CLDN6: variants seen among roughly 807,000 people sequenced by gnomAD.
CLDN6 encodes the protein claudin-6.
For missense variants in CLDN6, 279 were observed against 284.1 expected (o/e 0.98, Z 0.13); for synonymous variants, 144 against 131.2 (o/e 1.10, Z -0.67).
At chr16:3,016,894 C>G (rs1303263171) in intron 1 of CLDN6, among the ~76,000 whole-genome samples, 1 of 151,918 alleles carries the variant, frequency 6.6e-6, no homozygotes, top group African/African-American at 2.4e-5. Flanking sequence ...GTGATCCTCC[C>G]GCCTCAGCCT....
chr16:3,015,638 T>C lies in CLDN6; in HGVS notation c.384A>G (p.Ser128=). Reference sequence around the variant, plus strand: ...ACACGGGGATTAGCGTCAGGACCCCTGAGATGACAAAGACAATCCCAGAGG... The same window carrying C: ...ACACGGGGATTAGCGTCAGGACCCCCGAGATGACAAAGACAATCCCAGAGG... ...VLTSGIVFVI[S]GVLTLIPVCW... is the part of the protein sequence containing the mutation. The change falls in exon 2 of 2, where the codon TCA becomes TCG. Residue 128 remains serine, a synonymous_variant. Coordinates refer to ENST00000328796, the MANE Select transcript of CLDN6 (RefSeq NM_021195.5). 3.7e-6 allele frequency: 6 copies of C among 1,613,310 alleles called. No individual in the cohort carries two copies. The highest frequency in any genetic ancestry group is 5.1e-6 in the Non-Finnish European group (6 of 1,180,030).
At position 3,015,362 on chromosome 16, in the gene CLDN6, G is replaced by A. The variant is rs141263027; in HGVS notation, c.660C>T (p.Val220=). 1 of 1,521,366 alleles carries A rather than the reference G, an allele frequency of 6.6e-7. No individual in the cohort carries two copies. Among genetic ancestry groups the A allele is most frequent in the Non-Finnish European group, 8.8e-7 (1 of 1,137,440 alleles). 94.2% of individuals were successfully genotyped at this position (1,521,366 alleles called of 1,614,324 possible). The part of the protein sequence containing the change: ...GPSEYPTKNY[V] ...GGAGCCCCCATTCCCCTCCACGTCA[G>A]ACGTAATTCTTGGTAGGGTACTCAG... is the stretch of plus-strand genomic sequence containing the variant. The change falls in exon 2 of 2, where the codon GTC becomes GTT. Residue 220 remains valine, a synonymous_variant. Transcript: ENST00000328796.
intron 1 of CLDN6, 65 bp downstream of exon 1, chr16:3,018,084 C>T (rs968296921): frequency 6.6e-6 from 1 of 152,428 alleles, no homozygotes; most frequent in Non-Finnish European, 1.5e-5. Context: ...CTACCCACGC[C>T]GCCACCACCC....
chr16:3,014,818 A>G lies in CLDN6; in HGVS notation c.*541T>C, dbSNP rs972517720. 8.3e-5 allele frequency: 22 copies of G among 265,142 alleles called. No individual in the cohort carries two copies. The highest frequency in any genetic ancestry group is 4.7e-4 in the African/African-American group (21 of 44,292). 16.4% of individuals were successfully genotyped at this position (265,142 alleles called of 1,614,324 possible). A position where few individuals can be genotyped will look rare whatever the true frequency, so the allele number is the denominator to read the frequency against. ...GTGTTGGAGGTGGGGGCGGGGGTCT[A>G]CATAGCTGGGACCTGGCCCTGGGGG... is the stretch of plus-strand genomic sequence containing the variant. On this transcript the variant is annotated 3_prime_UTR_variant, in exon 2 of 2. Transcript: ENST00000328796.
In CLDN6 at chr16:3,015,390, G is replaced by A. The variant is rs200821404; in HGVS notation, c.632C>T (p.Pro211Leu). 1.3e-6 allele frequency: 2 copies of A among 1,524,584 alleles called. No homozygotes were observed. The highest frequency in any genetic ancestry group is 1.8e-6 in the Non-Finnish European group (2 of 1,139,024). 94.4% of individuals were successfully genotyped at this position (1,524,584 alleles called of 1,614,324 possible). A position where few individuals can be genotyped will look rare whatever the true frequency, so the allele number is the denominator to read the frequency against. Reference protein sequence around the residue: ...STSAPAISRGPSEYPTKNYV With the variant: ...STSAPAISRGLSEYPTKNYV ...GTAATTCTTGGTAGGGTACTCAGAG[G>A]GCCCCCGAGAGATGGCAGGGGCAGA... The change falls in exon 2 of 2, where the codon CCC becomes CTC. Residue 211 changes from proline (P) to leucine (L), a missense_variant. Physicochemically the swap from Pro to Leu is moderately conservative, Grantham distance 98 (BLOSUM62 -3). Transcript: ENST00000328796.
chr16:3,016,917 G>C (rs1382181248), intron 1 of CLDN6, among the ~76,000 whole-genome samples: 1 of 152,210 alleles, frequency 6.6e-6, no homozygotes, highest in Admixed American at 6.5e-5. Context: ...CAGAGTGCTG[G>C]GATTACAGGC....
In CLDN6 at chr16:3,015,490, C is replaced by A. The variant is rs768426941; in HGVS notation, c.532G>T (p.Gly178Trp). The A allele has an allele frequency of 6.2e-7, 1 of 1,609,330 alleles. No individual in the cohort carries two copies. The highest frequency in any genetic ancestry group is 1.3e-5 in the African/African-American group (1 of 74,696). The change falls in exon 2 of 2, where the codon GGG becomes TGG. Residue 178 changes from glycine (G) to tryptophan (W), a missense_variant. Transcript: ENST00000328796. ...GGGCAAGTGCAGCACAGCAACCCCC[C>A]ACCCAGCAACAAAAGGCCTGAGGCC... ...WAASGLLLLG[G>W]GLLCCTCPSG...
chr16:3,015,076 A>G lies in CLDN6; in HGVS notation c.*283T>C. On this transcript the variant is annotated 3_prime_UTR_variant, in exon 2 of 2. Coordinates refer to ENST00000328796, the MANE Select transcript of CLDN6 (RefSeq NM_021195.5). ...AGCCAGCACAGCAAGCAGCCTCCGCATTAGTTCCATAGCTTGACTGGCTTC... is the reference window on the plus strand; with the variant it reads ...AGCCAGCACAGCAAGCAGCCTCCGCGTTAGTTCCATAGCTTGACTGGCTTC... 4.5e-6 allele frequency: 2 copies of G among 440,096 alleles called. No homozygotes were observed. Among genetic ancestry groups the G allele is most frequent in the East Asian group, 3.3e-5 (1 of 30,380 alleles). The allele number at this position is 440,096 out of a possible 1,614,324, so 27.3% of individuals were successfully genotyped here. A position where few individuals can be genotyped will look rare whatever the true frequency, so the allele number is the denominator to read the frequency against.
rs777380085 is a variant in CLDN6, at chr16:3,015,325, T to C, written c.*34A>G. The stretch of plus-strand genomic sequence containing the variant: ...TTGGGCACTGCCACTTCTGGATGGC[T>C]CTAGCGCCAGCGGAGCCCCCATTCC... On this transcript the variant is annotated 3_prime_UTR_variant, in exon 2 of 2. Transcript: ENST00000328796. The C allele has an allele frequency of 6.0e-6, 9 of 1,511,482 alleles. No homozygotes were observed. Among genetic ancestry groups the C allele is most frequent in the African/African-American group, 5.6e-5 (4 of 71,442 alleles). The allele number at this position is 1,511,482 out of a possible 1,614,324, so 93.6% of individuals were successfully genotyped here.
At chr16:3,016,838 C>CG (rs1567405980) in intron 1 of CLDN6, among the ~76,000 whole-genome samples, 2 of 151,520 alleles carry the variant, frequency 1.3e-5, no homozygotes, top group African/African-American at 4.9e-5. Context: ...TTAGTAGAGA[C>CG]GGGGTTTCAC....
intron 1 of CLDN6, among the ~76,000 whole-genome samples, 154 bp from the exon 2 acceptor site, chr16:3,016,196 G>C (rs2072566450): frequency 1.3e-5 from 2 of 152,232 alleles, no homozygotes; most frequent in South Asian, 4.1e-4. Context: ...ACTTCTCGTG[G>C]GCAAAATGGA....
intron 1 of CLDN6, among the ~76,000 whole-genome samples, chr16:3,016,380 G>T (rs984900774): frequency 6.6e-6 from 1 of 152,202 alleles, no homozygotes; most frequent in Admixed American, 6.5e-5. Context: ...GCTGCAAGGC[G>T]GCAAAAAGCA....
In CLDN6 at chr16:3,014,951, G is replaced by C. The variant is rs1193121499; in HGVS notation, c.*408C>G. On this transcript the variant is annotated 3_prime_UTR_variant, in exon 2 of 2. Transcript: ENST00000328796. ...TCCAGGGGTGAAGAGAGGAGCTCCA[G>C]AGACCTGAGTAGGATGGGGGGCAGC... 5.0e-6 allele frequency: 2 copies of C among 401,298 alleles called. No individual in the cohort carries two copies. The highest frequency in any genetic ancestry group is 8.7e-6 in the Non-Finnish European group (2 of 228,944). 24.9% of individuals were successfully genotyped at this position (401,298 alleles called of 1,614,324 possible). A position where few individuals can be genotyped will look rare whatever the true frequency, so the allele number is the denominator to read the frequency against.
At position 3,015,390 on chromosome 16, in the gene CLDN6, G is replaced by T; in HGVS notation, c.632C>A (p.Pro211His). The T allele has an allele frequency of 1.3e-6, 2 of 1,524,698 alleles. No homozygotes were observed. The highest frequency in any genetic ancestry group is 1.4e-5 in the African/African-American group (1 of 71,868). 94.4% of individuals were successfully genotyped at this position (1,524,698 alleles called of 1,614,324 possible). The change falls in exon 2 of 2, where the codon CCC (proline) becomes CAC (histidine). Residue 211 changes from proline (P) to histidine (H), a missense_variant. Transcript: ENST00000328796. Reference protein sequence around the residue: ...STSAPAISRGPSEYPTKNYV With the variant: ...STSAPAISRGHSEYPTKNYV ...GTAATTCTTGGTAGGGTACTCAGAGGGCCCCCGAGAGATGGCAGGGGCAGA... is the reference window on the plus strand; with the variant it reads ...GTAATTCTTGGTAGGGTACTCAGAGTGCCCCCGAGAGATGGCAGGGGCAGA...
Position 3,015,331 on chromosome 16 carries a change from G to A in CLDN6, c.*28C>T, listed in dbSNP as rs756822589. The A allele has an allele frequency of 2.4e-5, 36 of 1,514,478 alleles. No homozygotes were observed. Among genetic ancestry groups the A allele is most frequent in the Admixed American group, 4.5e-5 (2 of 43,992 alleles). 93.8% of individuals were successfully genotyped at this position (1,514,478 alleles called of 1,614,324 possible). On this transcript the variant is annotated 3_prime_UTR_variant, in exon 2 of 2. Coordinates refer to ENST00000328796, the MANE Select transcript of CLDN6 (RefSeq NM_021195.5). ...ACTGCCACTTCTGGATGGCTCTAGCGCCAGCGGAGCCCCCATTCCCCTCCA... is the reference window on the plus strand; with the variant it reads ...ACTGCCACTTCTGGATGGCTCTAGCACCAGCGGAGCCCCCATTCCCCTCCA...
chr16:3,016,809 G>A (rs900257385), intron 1 of CLDN6, among the ~76,000 whole-genome samples: 3 of 151,988 alleles, frequency 2.0e-5, no homozygotes, highest in African/African-American at 4.8e-5. Flanking sequence ...CACCACGCCC[G>A]GCTAATTTTT....
rs766749711 is a variant in CLDN6, at chr16:3,015,516, G to T, written c.506C>A (p.Ala169Glu). The T allele has an allele frequency of 3.7e-6, 6 of 1,612,346 alleles. No homozygotes were observed. Among genetic ancestry groups the T allele is most frequent in the Non-Finnish European group, 5.1e-6 (6 of 1,179,560 alleles). The change falls in exon 2 of 2, where the codon GCG becomes GAG. Residue 169 changes from alanine to glutamate, a missense_variant. Ala to Glu is a moderately radical substitution (Grantham distance 107). Coordinates refer to ENST00000328796, the MANE Select transcript of CLDN6 (RefSeq NM_021195.5). ...ACCCAGCAACAAAAGGCCTGAGGCC[G>T]CCCAGCCCAAGTAGAGGGAGGCCCC... is the stretch of plus-strand genomic sequence containing the variant. The part of the protein sequence containing the change: ...ELGASLYLGW[A>E]ASGLLLLGGG...
At position 3,015,434 on chromosome 16, in the gene CLDN6, G is replaced by A. The variant is rs2072558842; in HGVS notation, c.588C>T (p.Tyr196=). The change falls in exon 2 of 2, where the codon TAC becomes TAT. Residue 196 remains tyrosine (Y), a synonymous_variant. Transcript: ENST00000328796. ...PSGGSQGPSH[Y]MARYSTSAPA... ...GGGCAGATGTTGAGTAGCGGGCCAT[G>A]TAATGGCTGGGGCCCTGGGACCCCC... 1.3e-6 allele frequency: 2 copies of A among 1,558,608 alleles called. No homozygotes were observed. Among genetic ancestry groups the A allele is most frequent in the South Asian group, 1.2e-5 (1 of 82,334 alleles).
At chr16:3,017,556 T>C (rs995415156) in intron 1 of CLDN6, among the ~76,000 whole-genome samples, 1 of 152,028 alleles carries the variant, frequency 6.6e-6, no homozygotes, top group Non-Finnish European at 1.5e-5. Context: ...CTCTACTCAT[T>C]AGCCGGGGGC....
Sources: allele counts gnomAD v4.1 joint callset (sites outside exome capture counted in the v4.1 genomes callset), GRCh38; gene constraint gnomAD v4.1.1; transcripts MANE v1.5; gene names NCBI Gene and HGNC (gene_info 2026-07-23, HGNC 2026-07-21).